The following ATF7 variants were observed in gnomAD, a reference collection of about 807,000 sequenced individuals.
ATF7 encodes the protein cyclic AMP-dependent transcription factor ATF-7.
A neutral mutation model predicts 50.4 loss-of-function variants in ATF7; 10 were observed. The observed-to-expected ratio is 0.20, with a 90% CI of 0.12 to 0.34. The LOEUF is 0.34. Ranked by LOEUF, ATF7 falls within the 10% of genes least tolerant of loss-of-function variation. The pLI, the probability that ATF7 is intolerant of heterozygous loss-of-function variation, is 1.00. For missense variants in ATF7, 465 were observed against 613.9 expected (o/e 0.76, Z 2.56); for synonymous variants, 201 against 226.4 (o/e 0.89, Z 1.01).
intron 2 of ATF7, among the ~76,000 whole-genome samples, chr12:53,588,569 C>A (rs1172714335): frequency 6.6e-6 from 1 of 152,076 alleles, no homozygotes; most frequent in East Asian, 1.9e-4. Flanking sequence ...AGCAAGATAC[C>A]CATCCTTTGT....
intron 2 of ATF7, among the ~76,000 whole-genome samples, chr12:53,569,165 C>G (rs2137611118): frequency 6.6e-6 from 1 of 152,122 alleles, no homozygotes; most frequent in South Asian, 2.1e-4. Context: ...GAGGAGGGCT[C>G]CATGTCTCTT....
intron 2 of ATF7, among the ~76,000 whole-genome samples, chr12:53,589,979 G>A (rs1942874668): frequency 6.6e-6 from 1 of 151,960 alleles, no homozygotes; most frequent in Non-Finnish European, 1.5e-5. Context: ...TTGTTGCCCA[G>A]GCTGATCTCG....
At chr12:53,587,841 A>T (rs199767585) in intron 2 of ATF7, among the ~76,000 whole-genome samples, 697 of 46,318 alleles carry the variant, frequency 0.015, 8 homozygotes, top group African/African-American at 0.037. Flanking sequence ...ATATATATAT[A>T]TATTTTTTTT....
intron 2 of ATF7, 57 bp from the exon 3 acceptor site, chr12:53,552,694 G>T: frequency 7.3e-7 from 1 of 1,363,720 alleles, no homozygotes; most frequent in Non-Finnish European, 1.0e-6. Context: ...CCGATTCGGT[G>T]CCCTTTTAAA....
intron 1 of ATF7, among the ~76,000 whole-genome samples, chr12:53,605,113 G>A (rs1197931413): frequency 6.6e-6 from 1 of 152,174 alleles, no homozygotes; most frequent in African/African-American, 2.4e-5. Context: ...AAGGAGCCAG[G>A]CACGGTGGTT....
intron 3 of ATF7, among the ~76,000 whole-genome samples, chr12:53,549,480 C>T (rs1940180370): frequency 6.6e-6 from 1 of 151,796 alleles, no homozygotes. Context: ...CTTGGCTCAC[C>T]ACAACCTCCG....
chr12:53,588,349 A>G (rs1942809397), intron 2 of ATF7, among the ~76,000 whole-genome samples: 1 of 152,220 alleles, frequency 6.6e-6, no homozygotes, highest in Non-Finnish European at 1.5e-5. Context: ...TGAGTGGAGA[A>G]TTGTATTATT....
chr12:53,600,851 G>A (rs764217334), intron 2 of ATF7, 102 bp downstream of exon 2: 29 of 1,149,460 alleles, frequency 2.5e-5, no homozygotes, highest in Non-Finnish European at 3.7e-5. Flanking sequence ...ATTACCTCCA[G>A]TGATCACGTA....
intron 4 of ATF7, among the ~76,000 whole-genome samples, chr12:53,542,284 A>G (rs1939613352): frequency 6.6e-6 from 1 of 151,474 alleles, no homozygotes; most frequent in Non-Finnish European, 1.5e-5. Context: ...AAAATTAGCC[A>G]GGTGTGGTGG....
chr12:53,558,354 G>A (rs1184913383), intron 2 of ATF7, among the ~76,000 whole-genome samples: 1 of 152,178 alleles, frequency 6.6e-6, no homozygotes, highest in African/African-American at 2.4e-5. Context: ...TATCAGTTGT[G>A]TTTGTTGAGA....
chr12:53,621,647 G>T (rs1944385399), intron 1 of ATF7, among the ~76,000 whole-genome samples: 1 of 151,434 alleles, frequency 6.6e-6, no homozygotes, highest in African/African-American at 2.4e-5. Context: ...AAATTAGTTG[G>T]GTGTGGTGGT....
In ATF7 at chr12:53,542,107, G is replaced by GTTTTTTTTT. The variant is rs1199418506; in HGVS notation, c.264+1214_264+1222dup. Among the ~76,000 whole-genome samples, 558 of 101,420 alleles carry GTTTTTTTTT rather than the reference G, an allele frequency of 5.5e-3. 32 individuals are homozygous for GTTTTTTTTT. Among genetic ancestry groups the GTTTTTTTTT allele is most frequent in the South Asian group, 0.028 (69 of 2,500 alleles). 66.5% of individuals were successfully genotyped at this position (101,420 alleles called of 152,430 possible). ...GGGTGTGAGCCACTGCGCCTGGCCT[G>GTTTTTTTTT]TTTTTTTTTTTTTTTTTTTAAGAGA... is the stretch of plus-strand genomic sequence containing the variant. On this transcript the variant is annotated intron_variant, in intron 4 of 11. Coordinates refer to ENST00000420353, the MANE Select transcript of ATF7 (RefSeq NM_006856.3).
At chr12:53,585,741 A>G (rs557968379) in intron 2 of ATF7, among the ~76,000 whole-genome samples, 4 of 152,032 alleles carry the variant, frequency 2.6e-5, no homozygotes, top group Admixed American at 6.5e-5. Flanking sequence ...TTCTATCACT[A>G]CCTCCCCTTT....
At chr12:53,572,010 T>C (rs1408389096) in intron 2 of ATF7, among the ~76,000 whole-genome samples, 3 of 151,170 alleles carry the variant, frequency 2.0e-5, no homozygotes, top group Non-Finnish European at 2.9e-5. Flanking sequence ...GAGGTTGCAG[T>C]GAGCCGAGAC....
chr12:53,625,535 C>T (rs560058654), intron 1 of ATF7, among the ~76,000 whole-genome samples: 1 of 152,324 alleles, frequency 6.6e-6, no homozygotes, highest in East Asian at 1.9e-4. Context: ...ACTCAGCTCA[C>T]CCATACTGTC....
chr12:53,622,400 C>T (rs995382536), intron 1 of ATF7, among the ~76,000 whole-genome samples: 4 of 151,336 alleles, frequency 2.6e-5, no homozygotes, highest in African/African-American at 9.7e-5. Flanking sequence ...GAGGGCAGAT[C>T]ACGTGGTCAG....
chr12:53,572,679 G>A (rs1242715495), intron 2 of ATF7, among the ~76,000 whole-genome samples: 1 of 152,146 alleles, frequency 6.6e-6, no homozygotes, highest in East Asian at 1.9e-4. Context: ...GAGTAAGGTG[G>A]CTCACACCTA....
intron 1 of ATF7, among the ~76,000 whole-genome samples, chr12:53,607,651 GA>G (rs932306981): frequency 7.4e-5 from 11 of 147,780 alleles, no homozygotes; most frequent in South Asian, 2.1e-4. Flanking sequence ...TGTTAAATGG[GA>G]AAAAAAAACA....
At chr12:53,587,560 G>A (rs1942748607) in intron 2 of ATF7, among the ~76,000 whole-genome samples, 1 of 150,106 alleles carries the variant, frequency 6.7e-6, no homozygotes, top group Non-Finnish European at 1.5e-5. Context: ...TCAGCTGTTT[G>A]GGAGGCTGAG....
Sources: allele counts gnomAD v4.1 joint callset (sites outside exome capture counted in the v4.1 genomes callset), GRCh38; gene constraint gnomAD v4.1.1; transcripts MANE v1.5; gene names NCBI Gene and HGNC (gene_info 2026-07-23, HGNC 2026-07-21).